SAMD4A: variants seen among roughly 807,000 people sequenced by gnomAD.
SAMD4A encodes protein Smaug homolog 1.
In SAMD4A, 33 loss-of-function variants were observed where a neutral mutation model predicts 81.3. That is an observed-to-expected ratio of 0.41 (90% CI 0.31 to 0.54). The LOEUF is 0.54. Among genes scored for constraint, SAMD4A ranks in the 20% least tolerant of loss-of-function variants. The pLI is 0.37. For synonymous variants in SAMD4A, 389 were observed against 382.1 expected, an observed-to-expected ratio of 1.02 and a Z score of -0.21; for missense variants, 854 against 951.1, an observed-to-expected ratio of 0.90 and a Z score of 1.34.
chr14:54,695,601 A>G (rs72660232), intron 2 of SAMD4A, among the ~76,000 whole-genome samples: 3 of 152,320 alleles, frequency 2.0e-5, no homozygotes, highest in South Asian at 4.1e-4. Context: ...GGTGAATACC[A>G]GTAGTCTAGG....
In SAMD4A at chr14:54,737,187, A is replaced by T. The variant is rs1272717812; in HGVS notation, c.879A>T (p.Pro293=). The T allele has an allele frequency of 3.7e-6, 6 of 1,614,002 alleles. No individual in the cohort carries two copies. The highest frequency in any genetic ancestry group is 5.1e-6 in the Non-Finnish European group (6 of 1,180,020). ...CLPSDHAPLS[P]QSSVASSGSG... ...CATCCGATCATGCCCCCCTGTCTCC[A>T]CAAAGCAGTGTAGCCTCTTCAGGAA... The change falls in exon 4 of 13, where the codon CCA becomes CCT. Residue 293 remains proline, a synonymous_variant. Coordinates refer to ENST00000554335, the MANE Select transcript of SAMD4A (RefSeq NM_015589.6).
At chr14:54,618,677 C>A (rs1186223122) in intron 2 of SAMD4A, among the ~76,000 whole-genome samples, 1 of 152,110 alleles carries the variant, frequency 6.6e-6, no homozygotes, top group African/African-American at 2.4e-5. Context: ...TGGAGAGTTA[C>A]CAAGTTACTA....
At chr14:54,617,780 A>G (rs1478551849) in intron 2 of SAMD4A, among the ~76,000 whole-genome samples, 3 of 152,228 alleles carry the variant, frequency 2.0e-5, no homozygotes, top group Admixed American at 6.5e-5. Flanking sequence ...TGTTCCCACA[A>G]CAATTCATTT....
At chr14:54,632,427 T>G (rs1409356921) in intron 2 of SAMD4A, among the ~76,000 whole-genome samples, 1 of 152,222 alleles carries the variant, frequency 6.6e-6, no homozygotes, top group African/African-American at 2.4e-5. Context: ...CACCTATAGT[T>G]TCCCTTTCCA....
At chr14:54,729,731 C>G (rs2037511352) in intron 3 of SAMD4A, among the ~76,000 whole-genome samples, 2 of 152,176 alleles carry the variant, frequency 1.3e-5, no homozygotes, top group African/African-American at 4.8e-5. Flanking sequence ...TTGAATTAGC[C>G]TACACATTTG....
intron 2 of SAMD4A, among the ~76,000 whole-genome samples, chr14:54,581,670 A>G (rs1236202532): frequency 1.3e-5 from 2 of 152,242 alleles, no homozygotes; most frequent in Admixed American, 6.5e-5. Flanking sequence ...AGATTCCAGT[A>G]TGAGTGGTCA....
At chr14:54,763,401 T>G (rs948368122) in intron 7 of SAMD4A, among the ~76,000 whole-genome samples, 1 of 152,102 alleles carries the variant, frequency 6.6e-6, no homozygotes, top group African/African-American at 2.4e-5. Context: ...TTTCTATCAG[T>G]ACAAATAGCG....
intron 2 of SAMD4A, among the ~76,000 whole-genome samples, chr14:54,606,213 G>GCGTGCA (rs1555335556): frequency 1.4e-5 from 2 of 144,416 alleles, no homozygotes; most frequent in African/African-American, 2.8e-5. Context: ...GTGTGTGTGT[G>GCGTGCA]CGTGCACGTG....
intron 6 of SAMD4A, among the ~76,000 whole-genome samples, chr14:54,756,309 A>T (rs762096070): frequency 3.5e-4 from 53 of 152,118 alleles, no homozygotes; most frequent in African/African-American, 1.3e-3. Flanking sequence ...GTTGCTAAGG[A>T]CTTGGAAAAG....
chr14:54,587,542 G>T (rs1193825209), intron 2 of SAMD4A, among the ~76,000 whole-genome samples: 1 of 151,934 alleles, frequency 6.6e-6, no homozygotes, highest in African/African-American at 2.4e-5. Flanking sequence ...TCTCCATTCA[G>T]TATAATGTTG....
chr14:54,702,377 A>G lies in SAMD4A; in HGVS notation c.512A>G (p.Tyr171Cys). 1.2e-6 allele frequency: 2 copies of G among 1,614,168 alleles called. No homozygotes were observed. The highest frequency in any genetic ancestry group is 8.5e-7 in the Non-Finnish European group (1 of 1,180,006). ...CGAGGCCGCTCAGACTCTGTGGATT[A>G]TGGACAGACACACTACTATCACCAA... is the stretch of plus-strand genomic sequence containing the variant. ...QNRGRSDSVD[Y>C]GQTHYYHQRQ... The change falls in exon 3 of 13, where the codon TAT becomes TGT. Residue 171 changes from tyrosine to cysteine, a missense_variant. Physicochemically the swap from Tyr to Cys is radical, Grantham distance 194. This residue lies in a region of SAMD4A where 387 missense variants were observed against 405.8 expected (regional missense o/e 0.95). Transcript: ENST00000554335.
At chr14:54,632,243 C>T (rs1010127441) in intron 2 of SAMD4A, among the ~76,000 whole-genome samples, 10 of 152,250 alleles carry the variant, frequency 6.6e-5, no homozygotes, top group East Asian at 3.9e-4. Flanking sequence ...AACGATTATA[C>T]GGTAATGATT....
At chr14:54,627,570 G>C (rs562404062) in intron 2 of SAMD4A, among the ~76,000 whole-genome samples, 1 of 152,346 alleles carries the variant, frequency 6.6e-6, no homozygotes, top group East Asian at 1.9e-4. Flanking sequence ...AGTGGTGTGA[G>C]ACCCTAACAA....
chr14:54,757,263 T>C (rs1252152112), intron 6 of SAMD4A, among the ~76,000 whole-genome samples: 4 of 152,122 alleles, frequency 2.6e-5, no homozygotes, highest in Non-Finnish European at 5.9e-5. Flanking sequence ...GTAAGCCAAG[T>C]GTTATCTTTG....
chr14:54,677,027 C>G (rs1021929770), intron 2 of SAMD4A, among the ~76,000 whole-genome samples: 1 of 152,218 alleles, frequency 6.6e-6, no homozygotes, highest in Admixed American at 6.5e-5. Flanking sequence ...GAATTCTGGC[C>G]ATGTGTTTCC....
chr14:54,715,268 A>C (rs772748266), intron 3 of SAMD4A, among the ~76,000 whole-genome samples: 6 of 152,068 alleles, frequency 3.9e-5, no homozygotes, highest in Non-Finnish European at 7.4e-5. Context: ...GGGGATTCTC[A>C]CTTCTTTATG....
intron 8 of SAMD4A, 89 bp downstream of exon 8, chr14:54,764,629 CCAA>C (rs2038489097): frequency 1.2e-6 from 1 of 864,124 alleles, no homozygotes; most frequent in Non-Finnish European, 1.8e-6. Flanking sequence ...ATTTTAGCCT[CCAA>C]CAACTTGTTT....
intron 3 of SAMD4A, among the ~76,000 whole-genome samples, chr14:54,706,768 G>T (rs1017493880): frequency 2.6e-5 from 4 of 152,108 alleles, no homozygotes; most frequent in Non-Finnish European, 4.4e-5. Context: ...GGGGGTCACA[G>T]TGTGCAGGCA....
intron 2 of SAMD4A, among the ~76,000 whole-genome samples, chr14:54,664,731 A>G (rs1423900435): frequency 6.6e-6 from 1 of 151,988 alleles, no homozygotes; most frequent in Non-Finnish European, 1.5e-5. Flanking sequence ...CCAACAGAGT[A>G]TATTTCAAAG....
Sources: allele counts gnomAD v4.1 joint callset (sites outside exome capture counted in the v4.1 genomes callset), GRCh38; gene constraint gnomAD v4.1.1; regional missense constraint gnomAD v4.1.1; transcripts MANE v1.5; gene names NCBI Gene and HGNC (gene_info 2026-07-23, HGNC 2026-07-21).